Variants in STK39 observed in about 807,000 individuals in gnomAD.
STK39 encodes the protein serine/threonine kinase 39, also known as STE20/SPS1-related proline-alanine-rich protein kinase.
Under a neutral mutation model 77.8 loss-of-function variants are expected in STK39, and 20 were observed. The observed-to-expected ratio is 0.26, with a 90% CI of 0.18 to 0.37. The LOEUF is 0.37. Ranked by LOEUF, STK39 falls within the 10% of genes least tolerant of loss-of-function variation. The pLI is 1.00. For synonymous variants in STK39, 246 were observed against 234.1 expected (o/e 1.05, Z -0.47); for missense variants, 479 against 656.5 (o/e 0.73, Z 2.95).
chr2:168,091,617 TG>T (rs755724206), intron 10 of STK39, among the ~76,000 whole-genome samples: 16 of 152,332 alleles, frequency 1.1e-4, no homozygotes, highest in Non-Finnish European at 2.2e-4. Flanking sequence ...GCTGACGTTG[TG>T]TGTCAAAATG....
chr2:168,195,741 G>A (rs1441451303), intron 1 of STK39, among the ~76,000 whole-genome samples: 1 of 152,252 alleles, frequency 6.6e-6, no homozygotes, highest in Non-Finnish European at 1.5e-5. Context: ...TATTGGCTGC[G>A]CGAGGTGGCT....
At chr2:168,022,395 C>T (rs1462347854) in intron 14 of STK39, among the ~76,000 whole-genome samples, 1 of 152,146 alleles carries the variant, frequency 6.6e-6, no homozygotes, top group Non-Finnish European at 1.5e-5. Flanking sequence ...ATTGCAGGAA[C>T]TTTGAATAAA....
At chr2:168,225,301 T>C (rs1439155387) in intron 1 of STK39, among the ~76,000 whole-genome samples, 1 of 65,422 alleles carries the variant, frequency 1.5e-5, no homozygotes, top group Non-Finnish European at 4.7e-5. Context: ...GATAAAACTA[T>C]CAAATACATC....
At chr2:168,152,009 C>T (rs1261106251) in intron 5 of STK39, among the ~76,000 whole-genome samples, 4 of 152,114 alleles carry the variant, frequency 2.6e-5, no homozygotes, top group African/African-American at 9.7e-5. Flanking sequence ...AACCCTTGCC[C>T]CAAAGCAGGT....
chr2:168,013,772 T>C (rs1171588775), intron 15 of STK39, among the ~76,000 whole-genome samples: 1 of 151,434 alleles, frequency 6.6e-6, no homozygotes. Flanking sequence ...GCTTCAGATG[T>C]GGTGACTATG....
intron 1 of STK39, among the ~76,000 whole-genome samples, chr2:168,190,967 C>G (rs954580404): frequency 2.0e-5 from 3 of 152,198 alleles, no homozygotes; most frequent in Non-Finnish European, 4.4e-5. Flanking sequence ...CACAGATAAA[C>G]GGATACACCC....
chr2:168,212,829 A>G (rs764647293), intron 1 of STK39, among the ~76,000 whole-genome samples: 3 of 152,066 alleles, frequency 2.0e-5, no homozygotes, highest in Non-Finnish European at 4.4e-5. Flanking sequence ...GTTCCTTGTA[A>G]ATGTTCCCAG....
intron 10 of STK39, among the ~76,000 whole-genome samples, chr2:168,102,103 A>T (rs979542028): frequency 8.6e-5 from 13 of 150,758 alleles, no homozygotes; most frequent in African/African-American, 2.9e-4. Flanking sequence ...GCTACTATGG[A>T]TAATACTGCC....
chr2:168,185,454 T>C (rs1283093058), intron 1 of STK39, among the ~76,000 whole-genome samples: 1 of 152,224 alleles, frequency 6.6e-6, no homozygotes, highest in Non-Finnish European at 1.5e-5. Flanking sequence ...GGTAAGAGAT[T>C]GCTCACGTTC....
chr2:168,092,900 G>A (rs948657775), intron 10 of STK39, among the ~76,000 whole-genome samples: 4 of 152,148 alleles, frequency 2.6e-5, no homozygotes, highest in African/African-American at 4.8e-5. Flanking sequence ...CTGTGTGCAG[G>A]CTACGCACTC....
chr2:168,117,368 C>T (rs1687284847), intron 10 of STK39, among the ~76,000 whole-genome samples: 1 of 152,200 alleles, frequency 6.6e-6, no homozygotes. Flanking sequence ...ATCTTGCTTG[C>T]TAAACTTCAA....
chr2:168,246,538 G>A (rs951023908), intron 1 of STK39, among the ~76,000 whole-genome samples: 8 of 152,218 alleles, frequency 5.3e-5, no homozygotes, highest in South Asian at 4.1e-4. Context: ...TTTCCCCGGG[G>A]AGCCGGACTG....
chr2:168,160,547 AC>A (rs1688543507), intron 5 of STK39, among the ~76,000 whole-genome samples: 19 of 151,922 alleles, frequency 1.3e-4, no homozygotes, highest in Admixed American at 1.1e-3. Context: ...TGTGTTGGCC[AC>A]TGTTAAGATC....
chr2:168,107,045 A>T (rs1031512657), intron 10 of STK39, among the ~76,000 whole-genome samples: 4 of 152,192 alleles, frequency 2.6e-5, no homozygotes, highest in African/African-American at 9.7e-5. Flanking sequence ...ACGTAATTTT[A>T]AATTTAAAAA....
At chr2:168,202,655 C>T (rs1177269476) in intron 1 of STK39, among the ~76,000 whole-genome samples, 2 of 152,084 alleles carry the variant, frequency 1.3e-5, no homozygotes, top group Non-Finnish European at 2.9e-5. Context: ...TAACGACTTC[C>T]CTCATTTGCA....
At chr2:168,081,315 A>G (rs1324920523) in intron 10 of STK39, among the ~76,000 whole-genome samples, 1 of 152,170 alleles carries the variant, frequency 6.6e-6, no homozygotes, top group Non-Finnish European at 1.5e-5. Context: ...CATCAGCGTA[A>G]CCTGGATGTG....
At chr2:167,995,569 A>G (rs972719668) in intron 16 of STK39, among the ~76,000 whole-genome samples, 1 of 152,194 alleles carries the variant, frequency 6.6e-6, no homozygotes, top group Non-Finnish European at 1.5e-5. Context: ...GAATGTGAGC[A>G]CTGCCCATCA....
chr2:167,963,418 T>C (rs1692053040), intron 17 of STK39, among the ~76,000 whole-genome samples: 1 of 151,902 alleles, frequency 6.6e-6, no homozygotes, highest in African/African-American at 2.4e-5. Context: ...TATTACAAAT[T>C]AGGAAAATGT....
chr2:168,139,020 T>C (rs1394039184), intron 7 of STK39, among the ~76,000 whole-genome samples: 1 of 152,206 alleles, frequency 6.6e-6, no homozygotes, highest in Non-Finnish European at 1.5e-5. Context: ...GCAAATGCTA[T>C]ACATGTCAAG....
Sources: gnomAD v4.1 joint callset for allele counts (sites outside exome capture counted in the v4.1 genomes callset) on GRCh38, gnomAD v4.1.1 for gene constraint, MANE v1.5 for transcripts, NCBI Gene and HGNC (gene_info 2026-07-23, HGNC 2026-07-21) for gene names.